Variants in RXFP1 observed in about 807,000 individuals in gnomAD.
The protein encoded by RXFP1 is relaxin receptor 1.
A neutral mutation model predicts 89.8 loss-of-function variants in RXFP1; 73 were observed. The observed-to-expected ratio is 0.81, with a 90% CI of 0.67 to 0.99. The LOEUF (loss-of-function observed/expected upper bound fraction) is 0.99, where lower values mean the gene tolerates loss of function less well. RXFP1 is among the 50% of genes least tolerant of loss of function. The pLI, the probability that RXFP1 is intolerant of heterozygous loss-of-function variation, is 0.00. For missense variants in RXFP1, 793 were observed against 895.5 expected (o/e 0.89, Z 1.46); for synonymous variants, 277 against 305.5 (o/e 0.91, Z 0.97).
At chr4:158,636,293 G>T (rs143203722) in intron 12 of RXFP1, among the ~76,000 whole-genome samples, 940 of 152,206 alleles carry the variant, frequency 6.2e-3, no homozygotes, top group Middle Eastern at 0.01. Context: ...CATGACTTAA[G>T]ATTTATTGTA....
chr4:158,569,052 C>G (rs918224073), intron 1 of RXFP1, among the ~76,000 whole-genome samples: 3 of 152,146 alleles, frequency 2.0e-5, no homozygotes, highest in Non-Finnish European at 2.9e-5. Flanking sequence ...ATATGAATCT[C>G]AGATTTTAAA....
chr4:158,581,304 TG>T (rs987645847), intron 2 of RXFP1, among the ~76,000 whole-genome samples: 5 of 152,178 alleles, frequency 3.3e-5, no homozygotes, highest in African/African-American at 1.2e-4. Context: ...GGAAGGAAAA[TG>T]GAAGTACAGA....
intron 11 of RXFP1, 69 bp downstream of exon 11, chr4:158,628,778 GTGTT>G: frequency 4.0e-6 from 3 of 754,804 alleles, no homozygotes; most frequent in Non-Finnish European, 6.4e-6. Flanking sequence ...GTACTTACAT[GTGTT>G]TATACATTTA....
intron 2 of RXFP1, among the ~76,000 whole-genome samples, chr4:158,590,717 G>A (rs1165194991): frequency 2.0e-5 from 3 of 152,064 alleles, no homozygotes; most frequent in Non-Finnish European, 2.9e-5. Flanking sequence ...AATCGGAATA[G>A]ATAACCCATC....
At chr4:158,595,727 A>G (rs191688098) in intron 3 of RXFP1, among the ~76,000 whole-genome samples, 132 of 152,330 alleles carry the variant, frequency 8.7e-4, no homozygotes, top group African/African-American at 2.9e-3. Flanking sequence ...AGGTTAATCA[A>G]ATACCACTAA....
intron 12 of RXFP1, 132 bp downstream of exon 12, chr4:158,633,608 C>T: frequency 3.8e-6 from 2 of 533,068 alleles, no homozygotes; most frequent in South Asian, 2.8e-5. Context: ...CACATTGCTG[C>T]CCAACCACCA....
intron 1 of RXFP1, among the ~76,000 whole-genome samples, chr4:158,556,192 T>C (rs999570768): frequency 8.2e-5 from 12 of 146,662 alleles, no homozygotes; most frequent in African/African-American, 3.0e-4. Flanking sequence ...TGACAAGGAG[T>C]TGATATCCAA....
At chr4:158,592,119 AT>A (rs1759596573) in intron 2 of RXFP1, among the ~76,000 whole-genome samples, 1 of 152,144 alleles carries the variant, frequency 6.6e-6, no homozygotes, top group Non-Finnish European at 1.5e-5. Context: ...AAAATCTTCT[AT>A]TTTTTTAAAA....
intron 14 of RXFP1, among the ~76,000 whole-genome samples, chr4:158,644,482 G>A (rs980917177): frequency 1.3e-5 from 2 of 151,088 alleles, no homozygotes; most frequent in East Asian, 1.9e-4. Flanking sequence ...ATAACAAAAA[G>A]CCACGGAAGC....
chr4:158,632,375 A>G (rs1768222340), intron 11 of RXFP1, among the ~76,000 whole-genome samples: 1 of 152,234 alleles, frequency 6.6e-6, no homozygotes. Context: ...CATATATAAC[A>G]AATACATCTA....
chr4:158,530,938 TG>T (rs1357440038), intron 1 of RXFP1, among the ~76,000 whole-genome samples: 1 of 152,242 alleles, frequency 6.6e-6, no homozygotes, highest in African/African-American at 2.4e-5. Context: ...GTAGCGCATC[TG>T]GCTCTTGGGC....
intron 2 of RXFP1, among the ~76,000 whole-genome samples, chr4:158,581,234 C>T (rs1197419125): frequency 1.3e-5 from 2 of 152,186 alleles, no homozygotes; most frequent in African/African-American, 4.8e-5. Context: ...ATCCTTTAAG[C>T]ACATTCTCTC....
In RXFP1 at chr4:158,645,113, T is replaced by C; in HGVS notation, c.1320T>C (p.Tyr440=). 1 of 1,613,738 alleles carries C rather than the reference T, an allele frequency of 6.2e-7. No individual in the cohort carries two copies. Among genetic ancestry groups the C allele is most frequent in the Non-Finnish European group, 8.5e-7 (1 of 1,179,600 alleles). The change falls in exon 15 of 18, where the codon TAT becomes TAC. Residue 440 remains tyrosine, a synonymous_variant. Transcript: ENST00000307765. ...ATATCAGGTCTGAGAACAAGCTGTA[T>C]GCCATGTCAATCATTTCTCTCTGCT... ...RPYIRSENKL[Y]AMSIISLCCA...
chr4:158,525,219 C>CA (rs1553988676), intron 1 of RXFP1, among the ~76,000 whole-genome samples: 9 of 138,182 alleles, frequency 6.5e-5, no homozygotes, highest in Admixed American at 2.9e-4. Flanking sequence ...TATACTTTGG[C>CA]GGGGGGGGGT....
upstream of RXFP1, chr4:158,521,742 A>T (rs1445426691): frequency 1.9e-6 from 1 of 513,928 alleles, no homozygotes; most frequent in Admixed American, 3.8e-5. Context: ...GGAGATTAGG[A>T]CATTTAGAGA....
chr4:158,578,214 C>A (rs530754804), intron 2 of RXFP1, among the ~76,000 whole-genome samples: 57 of 152,226 alleles, frequency 3.7e-4, no homozygotes, highest in Non-Finnish European at 1.5e-5. Flanking sequence ...TATATCATTC[C>A]CATATAATTC....
Position 158,639,297 on chromosome 4 carries a change from AG to A in RXFP1, c.1083del (p.Met362CysfsTer6). On this transcript the variant is annotated frameshift_variant, in exon 14 of 18. Transcript: ENST00000307765. LOFTEE classifies it high-confidence loss of function. The stretch of plus-strand genomic sequence containing the variant: ...GATTGAAATTTCAAATATCCAACAA[AG>A]GATGTTTAGACCTCTTATGAATCTC... ...EGIEISNIQQRMFRPLMNLSH... is the reference protein window; with the variant it reads ...EGIEISNIQQXMFRPLMNLSH... 2 of 1,571,110 alleles carry A rather than the reference AG, an allele frequency of 1.3e-6. No homozygotes were observed. The highest frequency in any genetic ancestry group is 8.8e-7 in the Non-Finnish European group (1 of 1,140,964).
chr4:158,613,708 A>G (rs1424796081), intron 8 of RXFP1, among the ~76,000 whole-genome samples: 3 of 152,200 alleles, frequency 2.0e-5, no homozygotes, highest in Admixed American at 1.3e-4. Context: ...AAAGTCACCC[A>G]TGAGGGTTGG....
chr4:158,640,226 T>C (rs530831932), intron 14 of RXFP1, among the ~76,000 whole-genome samples: 16 of 152,358 alleles, frequency 1.1e-4, no homozygotes, highest in Non-Finnish European at 1.8e-4. Context: ...GGGAATCCAC[T>C]TGGTCTTGTA....
Sources: gnomAD v4.1 joint callset for allele counts (sites outside exome capture counted in the v4.1 genomes callset) on GRCh38, gnomAD v4.1.1 for gene constraint, MANE v1.5 for transcripts, NCBI Gene and HGNC (gene_info 2026-07-23, HGNC 2026-07-21) for gene names.